The following PERP variants were observed in gnomAD, a reference collection of about 807,000 sequenced individuals.
PERP encodes p53 apoptosis effector related to PMP22.
Under a neutral mutation model 20.3 loss-of-function variants are expected in PERP, and 11 were observed. That is an observed-to-expected ratio of 0.54 (90% CI 0.34 to 0.90). PERP has a LOEUF of 0.90. Among genes scored for constraint, PERP ranks in the 40% least tolerant of loss-of-function variants. The pLI is 0.02. For missense variants in PERP, 224 were observed against 249.4 expected, an observed-to-expected ratio of 0.90 and a Z score of 0.69; for synonymous variants, 101 against 102.0, an observed-to-expected ratio of 0.99 and a Z score of 0.06.
chr6:138,096,463 G>A lies in PERP; in HGVS notation c.246C>T (p.Phe82=). The change falls in exon 2 of 3, where the codon TTC becomes TTT. Residue 82 remains phenylalanine, a synonymous_variant. Coordinates refer to ENST00000421351, the MANE Select transcript of PERP (RefSeq NM_022121.5). ...AWGRAAAAML[F]CGFIILVICF... ...AGATCACCAGGATGATGAAGCCACA[G>A]AAGAGCATGGCAGCCGCTGCTCTAC... 1 of 1,613,654 alleles carries A rather than the reference G, an allele frequency of 6.2e-7. No individual in the cohort carries two copies. The highest frequency in any genetic ancestry group is 8.5e-7 in the Non-Finnish European group (1 of 1,179,876).
At chr6:138,102,309 A>G (rs1775786604) in intron 1 of PERP, among the ~76,000 whole-genome samples, 2 of 152,250 alleles carry the variant, frequency 1.3e-5, no homozygotes, top group African/African-American at 4.8e-5. Context: ...TCTAAAGACA[A>G]CTAGCAGTGA....
chr6:138,101,243 G>A (rs993810363), intron 1 of PERP, among the ~76,000 whole-genome samples: 11 of 152,102 alleles, frequency 7.2e-5, no homozygotes, highest in East Asian at 5.8e-4. Flanking sequence ...GGTGGCACAC[G>A]CCTGTAGTCC....
rs8085 is a variant in PERP at position 138,091,475 on chromosome 6, A to G, written c.*567T>C. ...ATCGAGTCAACATGAAGCCTTAGCT[A>G]AAATGAATGATTCAGGATATTAATG... is the stretch of plus-strand genomic sequence containing the variant. On this transcript the variant is annotated 3_prime_UTR_variant, in exon 3 of 3. Coordinates refer to ENST00000421351, the MANE Select transcript of PERP (RefSeq NM_022121.5). 72,632 of 152,246 alleles carry G rather than the reference A, an allele frequency of 0.48. 17,753 individuals are homozygous for G. The highest frequency in any genetic ancestry group is 0.68 in the East Asian group (3,516 of 5,178). 9.4% of individuals were successfully genotyped at this position (152,246 alleles called of 1,614,324 possible). A position where few individuals can be genotyped will look rare whatever the true frequency, so the allele number is the denominator to read the frequency against.
intron 2 of PERP, among the ~76,000 whole-genome samples, chr6:138,092,469 G>T (rs1371872923): frequency 6.6e-6 from 1 of 152,158 alleles, no homozygotes; most frequent in Admixed American, 6.5e-5. Flanking sequence ...CTGGCACTGA[G>T]CAGCATCACA....
chr6:138,099,975 G>A (rs1278666348), intron 1 of PERP, among the ~76,000 whole-genome samples: 3 of 152,212 alleles, frequency 2.0e-5, no homozygotes, highest in African/African-American at 7.2e-5. Context: ...CTTGGAAATA[G>A]AACGTGTAAA....
At position 138,090,424 on chromosome 6, in the gene PERP, AG is replaced by A. The variant is rs1775559662; in HGVS notation, c.*1617del. The stretch of plus-strand genomic sequence containing the variant: ...ACTGCTACCCCACCACCTGAATGGA[AG>A]GGGACCCCAGCACAAGGAGGAGGCT... On this transcript the variant is annotated 3_prime_UTR_variant, in exon 3 of 3. Transcript: ENST00000421351. The A allele has an allele frequency of 6.6e-6, 1 of 152,204 alleles. No individual in the cohort carries two copies. The highest frequency in any genetic ancestry group is 1.5e-5 in the Non-Finnish European group (1 of 68,048). The allele number at this position is 152,204 out of a possible 1,614,324, so 9.4% of individuals were successfully genotyped here. A position where few individuals can be genotyped will look rare whatever the true frequency, so the allele number is the denominator to read the frequency against.
chr6:138,096,326 ATGAAGAATTGC>A lies in PERP; in HGVS notation c.355+17_355+27del, dbSNP rs1775691254. On this transcript the variant is annotated intron_variant, in intron 2 of 2. Transcript: ENST00000421351. ...AAGTCGATGCCCACTGAAGGCATAAATGAAGAATTGCTGACACACAGTCTTACCAGCCAAGG... is the reference window on the plus strand; with the variant it reads ...AAGTCGATGCCCACTGAAGGCATAAATGACACACAGTCTTACCAGCCAAGG... The A allele has an allele frequency of 6.2e-7, 1 of 1,612,370 alleles. No individual in the cohort carries two copies. Among genetic ancestry groups the A allele is most frequent in the Admixed American group, 1.7e-5 (1 of 59,796 alleles).
At position 138,090,893 on chromosome 6, in the gene PERP, T is replaced by C. The variant is rs1399764365; in HGVS notation, c.*1149A>G. The C allele has an allele frequency of 2.6e-5, 4 of 152,782 alleles. No homozygotes were observed. The East Asian group carries it at 7.7e-4, about 29-fold the overall frequency. 9.5% of individuals were successfully genotyped at this position (152,782 alleles called of 1,614,324 possible). ...ATATTTAAAATGAATTGGTTTTCAT[T>C]ATGTAAGTCGAAATGGTAAAAAATC... On this transcript the variant is annotated 3_prime_UTR_variant, in exon 3 of 3. Coordinates refer to ENST00000421351, the MANE Select transcript of PERP (RefSeq NM_022121.5).
Position 138,094,176 on chromosome 6 carries a change from G to C in PERP, c.356-1908C>G, listed in dbSNP as rs998544909. Among the ~76,000 whole-genome samples the C allele has an allele frequency of 5.3e-5, 8 of 152,208 alleles. No individual in the cohort carries two copies. In the Middle Eastern group the frequency reaches 0.01, roughly 194 times the overall value. ...TTTCACTTTCAATTGTTCACTCTAA[G>C]TGTACAATTCAGTGGTATTAAATGA... On this transcript the variant is annotated intron_variant, in intron 2 of 2. Coordinates refer to ENST00000421351, the MANE Select transcript of PERP (RefSeq NM_022121.5).
Position 138,096,343 on chromosome 6 carries a change from C to T in PERP, c.355+11G>A, listed in dbSNP as rs746848374. The T allele has an allele frequency of 6.8e-6, 11 of 1,613,324 alleles. No individual in the cohort carries two copies. The African/African-American group carries it at 1.5e-4, about 22-fold the overall frequency. On this transcript the variant is annotated intron_variant, in intron 2 of 2. Coordinates refer to ENST00000421351, the MANE Select transcript of PERP (RefSeq NM_022121.5). ...AGGCATAAATGAAGAATTGCTGACA[C>T]ACAGTCTTACCAGCCAAGGCAAGGA...
At chr6:138,101,645 T>C (rs1775775954) in intron 1 of PERP, among the ~76,000 whole-genome samples, 1 of 152,152 alleles carries the variant, frequency 6.6e-6, no homozygotes, top group African/African-American at 2.4e-5. Flanking sequence ...ATACCAAAGA[T>C]TCTGTATCAT....
At chr6:138,106,015 G>C (rs1213425424) in intron 1 of PERP, among the ~76,000 whole-genome samples, 3 of 152,072 alleles carry the variant, frequency 2.0e-5, no homozygotes, top group Admixed American at 6.5e-5. Flanking sequence ...CAAAAGAAAG[G>C]GCACCAAGTT....
chr6:138,104,857 G>A (rs974775440), intron 1 of PERP, among the ~76,000 whole-genome samples: 10 of 151,980 alleles, frequency 6.6e-5, no homozygotes, highest in Admixed American at 6.5e-4. Context: ...GTAAATATAT[G>A]GTTTTCAGTA....
At chr6:138,098,020 G>C (rs1775722179) in intron 1 of PERP, among the ~76,000 whole-genome samples, 1 of 152,224 alleles carries the variant, frequency 6.6e-6, no homozygotes, top group Middle Eastern at 3.4e-3. Flanking sequence ...TTTGTGACTG[G>C]CTTCTTTCAC....
chr6:138,107,166 CG>C lies in PERP; in HGVS notation c.174del (p.Ser58ArgfsTer32). The C allele has an allele frequency of 6.2e-7, 1 of 1,611,352 alleles. No individual in the cohort carries two copies. On this transcript the variant is annotated frameshift_variant, in exon 1 of 3. Transcript: ENST00000421351. LOFTEE classifies it high-confidence loss of function. This position sits in a 1 kb window ranked among gnomAD's most constrained non-coding sequence, Gnocchi z 4.8. ...WWKCSQEGGGSGSYEEGCQSL... is the reference protein window; with the variant it reads ...WWKCSQEGGGXGSYEEGCQSL... ...CTCTGACAGCCCTCCTCGTAGGACC[CG>C]CTGCCGCCGCCCTCTTGGGAGCATT...
rs1775544118 is a variant in PERP at position 138,089,406 on chromosome 6, G to A, written c.*2636C>T. Reference sequence around the variant, plus strand: ...TTTGAAGCTAAGTTATTACACACAAGCTACCTTGTGTGAACATGGAAAGAC... The same window carrying A: ...TTTGAAGCTAAGTTATTACACACAAACTACCTTGTGTGAACATGGAAAGAC... On this transcript the variant is annotated 3_prime_UTR_variant, in exon 3 of 3. Transcript: ENST00000421351. The A allele has an allele frequency of 6.6e-6, 1 of 152,154 alleles. No homozygotes were observed. Among genetic ancestry groups the A allele is most frequent in the Admixed American group, 6.5e-5 (1 of 15,276 alleles). The allele number at this position is 152,154 out of a possible 1,614,324, so 9.4% of individuals were successfully genotyped here.
Position 138,092,066 on chromosome 6 carries a change from G to A in PERP, c.558C>T (p.Pro186=). The A allele has an allele frequency of 2.5e-6, 4 of 1,614,014 alleles. No homozygotes were observed. Among genetic ancestry groups the A allele is most frequent in the Non-Finnish European group, 3.4e-6 (4 of 1,179,950 alleles). The change falls in exon 3 of 3, where the codon CCC becomes CCT. Residue 186 remains proline, a synonymous_variant. Transcript: ENST00000421351. ...GTTAGGCAGATGTGTAGAAGTACCT[G>A]GGCTTGGCATTGCCCAGAAGGTCAT... is the stretch of plus-strand genomic sequence containing the variant. ...YEDDLLGNAK[P]RYFYTSA
chr6:138,090,196 T>C lies in PERP; in HGVS notation c.*1846A>G, dbSNP rs1038734272. On this transcript the variant is annotated 3_prime_UTR_variant, in exon 3 of 3. Coordinates refer to ENST00000421351, the MANE Select transcript of PERP (RefSeq NM_022121.5). ...TCTATGAGAAACATTCACCTCGCATTTTGAAAAGCATAGAAAAATTCACTG... is the reference window on the plus strand; with the variant it reads ...TCTATGAGAAACATTCACCTCGCATCTTGAAAAGCATAGAAAAATTCACTG... The C allele has an allele frequency of 2.0e-5, 3 of 152,128 alleles. No homozygotes were observed. Among genetic ancestry groups the C allele is most frequent in the African/African-American group, 7.2e-5 (3 of 41,414 alleles). 9.4% of individuals were successfully genotyped at this position (152,128 alleles called of 1,614,324 possible).
intron 1 of PERP, among the ~76,000 whole-genome samples, chr6:138,099,118 C>A (rs555715517): frequency 3.3e-5 from 5 of 152,170 alleles, no homozygotes; most frequent in Non-Finnish European, 5.9e-5. Context: ...CAGTAGTGCT[C>A]CTTAAAATGA....
Sources: gnomAD v4.1 joint callset for allele counts (sites outside exome capture counted in the v4.1 genomes callset) on GRCh38, gnomAD v4.1.1 for gene constraint, Gnocchi (gnomAD v3.1) non-coding constraint, MANE v1.5 for transcripts, NCBI Gene and HGNC (gene_info 2026-07-23, HGNC 2026-07-21) for gene names.